CDAN1: variants seen among roughly 807,000 people sequenced by gnomAD.
CDAN1 encodes codanin 1.
In CDAN1, 107 loss-of-function variants were observed where a neutral mutation model predicts 139.8. The ratio of observed to expected loss-of-function variants is 0.77; its 90% CI spans 0.65 to 0.90. The LOEUF is 0.90. CDAN1 is among the 40% of genes least tolerant of loss of function. CDAN1 has a pLI of 0.00. For missense variants in CDAN1, 1,667 were observed against 1,575.7 expected (o/e 1.06, Z -0.98); for synonymous variants, 776 against 660.6 (o/e 1.17, Z -2.68).
Position 42,735,681 on chromosome 15 carries a change from T to C in CDAN1, c.774-2A>G. On this transcript the variant is annotated splice_acceptor_variant, in intron 3 of 27. Coordinates refer to ENST00000356231, the MANE Select transcript of CDAN1 (RefSeq NM_138477.4). LOFTEE classifies it high-confidence loss of function. The stretch of plus-strand genomic sequence containing the variant: ...GGTGACTGCTGCAGCTGCTTAGAGC[T>C]ATGGAATAAAGAAATTTCATGAGCA... 2.5e-6 allele frequency: 4 copies of C among 1,613,868 alleles called. No homozygotes were observed. The highest frequency in any genetic ancestry group is 3.4e-6 in the Non-Finnish European group (4 of 1,179,984).
chr15:42,729,491 A>G, intron 17 of CDAN1, 77 bp downstream of exon 17: 1 of 1,604,310 alleles, frequency 6.2e-7, no homozygotes, highest in South Asian at 1.1e-5. Flanking sequence ...TATCCAAGGG[A>G]GCTGGGCCAA....
intron 12 of CDAN1, 63 bp downstream of exon 12, chr15:42,731,148 C>A: frequency 6.2e-7 from 1 of 1,614,226 alleles, no homozygotes; most frequent in Non-Finnish European, 8.5e-7. Context: ...TAAAGTTTTT[C>A]TTGAACATAC....
At chr15:42,725,314 T>C (rs1377106147) in intron 26 of CDAN1, 63 bp from the exon 27 acceptor site, 3 of 1,537,778 alleles carry the variant, frequency 2.0e-6, no homozygotes, top group East Asian at 4.5e-5. Context: ...ATGACAGAGA[T>C]TGAGATCTCA....
intron 22 of CDAN1, 89 bp downstream of exon 22, chr15:42,727,866 C>G: frequency 6.2e-7 from 1 of 1,602,518 alleles, no homozygotes; most frequent in Non-Finnish European, 8.5e-7. Context: ...TACTGGCTCT[C>G]AGTCCCATCG....
At position 42,732,401 on chromosome 15, in the gene CDAN1, T is replaced by C. The variant is rs1248010544; in HGVS notation, c.1465A>G (p.Met489Val). The C allele has an allele frequency of 4.3e-6, 7 of 1,613,784 alleles. No homozygotes were observed. The highest frequency in any genetic ancestry group is 1.3e-5 in the African/African-American group (1 of 74,972). ...KGLGSRIRAM[M>V]GQLSAACSHS... Reference sequence around the variant, plus strand: ...CTGCAGGCTGCGGAGAGCTGACCCATCATGGCCCTGAGGAATAGAAGGCAG... The same window carrying C: ...CTGCAGGCTGCGGAGAGCTGACCCACCATGGCCCTGAGGAATAGAAGGCAG... Residue 489 changes from methionine to valine, a missense_variant, in exon 10 of 28, where the codon ATG becomes GTG. Physicochemically the swap from Met to Val is conservative, Grantham distance 21. Around this residue, in one of 3 missense-constraint regions of CDAN1, gnomAD observed 244 missense variants for 309.4 expected, o/e 0.79. Coordinates refer to ENST00000356231, the MANE Select transcript of CDAN1 (RefSeq NM_138477.4).
chr15:42,735,857 G>A lies in CDAN1; in HGVS notation c.773+18C>T. 1.2e-6 allele frequency: 2 copies of A among 1,613,774 alleles called. No homozygotes were observed. The highest frequency in any genetic ancestry group is 1.7e-6 in the Non-Finnish European group (2 of 1,179,768). On this transcript the variant is annotated intron_variant, in intron 3 of 27. Transcript: ENST00000356231. ...CACAGCGAGGAAACCGATATCCCCAGGAGCGGCCAGGCCATACCGCTCCTT... is the reference window on the plus strand; with the variant it reads ...CACAGCGAGGAAACCGATATCCCCAAGAGCGGCCAGGCCATACCGCTCCTT...
chr15:42,724,552 G>C lies in CDAN1; in HGVS notation c.3623C>G (p.Pro1208Arg), dbSNP rs201592509. The C allele has an allele frequency of 4.1e-5, 64 of 1,558,514 alleles. No homozygotes were observed. The East Asian group carries it at 1.5e-3, about 37-fold the overall frequency. Residue 1208 changes from proline (P) to arginine (R), a missense_variant, in exon 28 of 28, where the codon CCC becomes CGC. Transcript: ENST00000356231. ...LFLAEPHLPE[P>R]QLRACELVQP... ...CACCAACTCACAGGCTCTTAGCTGG[G>C]GTTCTGGCAGGTGGGGCTCGGCTAG...
At chr15:42,731,950 G>A (rs1050470769) in intron 10 of CDAN1, 125 bp from the exon 11 acceptor site, 1 of 856,340 alleles carries the variant, frequency 1.2e-6, no homozygotes, top group African/African-American at 1.7e-5. Context: ...GCTTTAGATA[G>A]ATTTTCTGAG....
chr15:42,725,371 C>T (rs1566978282), intron 26 of CDAN1, 118 bp downstream of exon 26: 1 of 1,484,458 alleles, frequency 6.7e-7, no homozygotes, highest in South Asian at 1.1e-5. Flanking sequence ...AAATGGAGCC[C>T]ATTTCTGTGT....
chr15:42,725,038 T>C, intron 27 of CDAN1, 106 bp downstream of exon 27: 2 of 930,428 alleles, frequency 2.1e-6, no homozygotes, highest in East Asian at 2.6e-5. Flanking sequence ...CTGAAGACTC[T>C]TGACAAAAAT....
intron 14 of CDAN1, 130 bp downstream of exon 14, chr15:42,730,468 C>A: frequency 8.7e-7 from 1 of 1,143,610 alleles, no homozygotes; most frequent in Non-Finnish European, 1.3e-6. Context: ...CGTGCCTCTC[C>A]CAGGGCTCAG....
chr15:42,730,975 G>T lies in CDAN1; in HGVS notation c.1957C>A (p.Pro653Thr). The change falls in exon 13 of 28, where the codon CCT becomes ACT. Residue 653 changes from proline to threonine, a missense_variant. Pro to Thr is a conservative substitution (Grantham distance 38). Transcript: ENST00000356231. ...VAFLPYRGPE[P>T]PPTGELQDSI... ...TCCTGAAGCTCACCGGTCGGGGGAG[G>T]TTCAGGCCCCCGGTATGGCAGGAAA... 1 of 1,614,118 alleles carries T rather than the reference G, an allele frequency of 6.2e-7. No individual in the cohort carries two copies. Among genetic ancestry groups the T allele is most frequent in the Non-Finnish European group, 8.5e-7 (1 of 1,180,000 alleles).
chr15:42,730,485 C>T, intron 14 of CDAN1, 113 bp downstream of exon 14: 1 of 1,285,942 alleles, frequency 7.8e-7, no homozygotes, highest in South Asian at 1.3e-5. Context: ...TCAGTTATGG[C>T]CAGGGCCCCA....
In CDAN1 at chr15:42,727,637, AGGTGG is replaced by A. The variant is rs1566980332; in HGVS notation, c.3075_3079del (p.Ile1028ArgfsTer16). 1.9e-6 allele frequency: 3 copies of A among 1,577,002 alleles called. No homozygotes were observed. The South Asian group carries it at 3.4e-5, about 18-fold the overall frequency. ...GCCGTGTACTTTTATCTCGGAGATG[AGGTGG>A]GAGGGGAGGGGAGCATGGTGCTCAC... On this transcript the variant is annotated frameshift_variant, in exon 23 of 28. Coordinates refer to ENST00000356231, the MANE Select transcript of CDAN1 (RefSeq NM_138477.4). LOFTEE classifies it high-confidence loss of function.
intron 3 of CDAN1, 87 bp downstream of exon 3, chr15:42,735,788 C>T: frequency 6.3e-7 from 1 of 1,588,610 alleles, no homozygotes; most frequent in East Asian, 2.2e-5. Context: ...ACCCAGAGTC[C>T]CCAAGAGGGA....
intron 23 of CDAN1, among the ~76,000 whole-genome samples, 167 bp downstream of exon 23, chr15:42,727,454 C>G (rs1461153623): frequency 4.6e-5 from 7 of 152,218 alleles, no homozygotes; most frequent in Non-Finnish European, 7.3e-5. Context: ...TTCAATTCAG[C>G]TCTGCCCTAC....
intron 8 of CDAN1, 114 bp downstream of exon 8, chr15:42,733,824 G>T (rs2061648851): frequency 3.8e-6 from 3 of 781,448 alleles, no homozygotes; most frequent in African/African-American, 1.7e-5. Flanking sequence ...GACCTGGGGG[G>T]ACTAACCCAC....
Position 42,730,201 on chromosome 15 carries a change from G to A in CDAN1, c.2189C>T (p.Ser730Leu), listed in dbSNP as rs759529396. The change falls in exon 15 of 28, where the codon TCG (serine) becomes TTG (leucine). Residue 730 changes from serine to leucine, a missense_variant. Coordinates refer to ENST00000356231, the MANE Select transcript of CDAN1 (RefSeq NM_138477.4). ...ACACATCTTCCCCTCACTCTCCTGC[G>A]ACAACACCAAGCTCCTGAAACATCA... ...LLRLHRSLVLSQESEGKMCFL... is the reference protein window; with the variant it reads ...LLRLHRSLVLLQESEGKMCFL... 37 of 1,613,934 alleles carry A rather than the reference G, an allele frequency of 2.3e-5. No individual in the cohort carries two copies. The highest frequency in any genetic ancestry group is 1.6e-4 in the Middle Eastern group (1 of 6,082).
chr15:42,724,664 C>T (rs1363114938), intron 27 of CDAN1, 48 bp from the exon 28 acceptor site: 2 of 1,547,516 alleles, frequency 1.3e-6, no homozygotes, highest in African/African-American at 1.4e-5. Context: ...TAATAATTCT[C>T]AATGGCTCAT....
Sources: allele counts gnomAD v4.1 joint callset (sites outside exome capture counted in the v4.1 genomes callset), GRCh38; gene constraint gnomAD v4.1.1; regional missense constraint gnomAD v4.1.1; transcripts MANE v1.5; gene names NCBI Gene and HGNC (gene_info 2026-07-23, HGNC 2026-07-21).